Variants in SLCO1B1 observed in about 807,000 individuals in gnomAD.
SLCO1B1 encodes the protein OATP-2.
A neutral mutation model predicts 70.1 loss-of-function variants in SLCO1B1; 81 were observed. That is an observed-to-expected ratio of 1.16 (90% CI 0.97 to 1.39). The LOEUF is 1.39. SLCO1B1 is among the 40% of genes most tolerant of loss of function. The probability of loss-of-function intolerance (pLI) is 0.00; values close to 1 mark genes in which losing one functional copy is unlikely to be tolerated. For missense variants in SLCO1B1, 895 were observed against 799.6 expected, an observed-to-expected ratio of 1.12 and a Z score of -1.44; for synonymous variants, 283 against 271.5, an observed-to-expected ratio of 1.04 and a Z score of -0.42.
intron 2 of SLCO1B1, among the ~76,000 whole-genome samples, chr12:21,143,177 T>C (rs543883038): frequency 1.1e-4 from 16 of 152,218 alleles, no homozygotes; most frequent in African/African-American, 3.8e-4. Context: ...TTTCTGAGCT[T>C]ACTTTTTATT....
At chr12:21,181,414 AC>A (rs2121113159) in intron 7 of SLCO1B1, among the ~76,000 whole-genome samples, 2 of 152,312 alleles carry the variant, frequency 1.3e-5, no homozygotes, top group South Asian at 4.1e-4. Context: ...CACTGATTTA[AC>A]CAATCATTTC....
intron 2 of SLCO1B1, among the ~76,000 whole-genome samples, chr12:21,152,971 A>C (rs1186323738): frequency 6.6e-6 from 1 of 152,188 alleles, no homozygotes; most frequent in Non-Finnish European, 1.5e-5. Context: ...ACTTAACCAC[A>C]CTGAGTGAGA....
At chr12:21,207,372 T>A (rs1941226414) in intron 11 of SLCO1B1, among the ~76,000 whole-genome samples, 1 of 151,998 alleles carries the variant, frequency 6.6e-6, no homozygotes, top group South Asian at 2.1e-4. Flanking sequence ...CTTCCACTTA[T>A]AAGTGAGAAC....
intron 14 of SLCO1B1, among the ~76,000 whole-genome samples, chr12:21,229,256 G>C (rs536147129): frequency 6.6e-6 from 1 of 151,042 alleles, no homozygotes; most frequent in East Asian, 2.0e-4. Context: ...ATCTCCCAGA[G>C]TCCACAGTTT....
At chr12:21,140,815 G>A (rs996932794) in intron 1 of SLCO1B1, among the ~76,000 whole-genome samples, 1 of 151,986 alleles carries the variant, frequency 6.6e-6, no homozygotes, top group African/African-American at 2.4e-5. Context: ...AATGGGACAA[G>A]AGTTAGAGGA....
At chr12:21,196,060 G>C (rs1378735024) in intron 7 of SLCO1B1, among the ~76,000 whole-genome samples, 1 of 152,146 alleles carries the variant, frequency 6.6e-6, no homozygotes, top group East Asian at 1.9e-4. Flanking sequence ...ACAGCAAAGA[G>C]GTGTCTCCAA....
Position 21,222,389 on chromosome 12 carries a change from AAAAAAAAAATATATATATATATATAT to A in SLCO1B1, c.1747+27_1747+52del, listed in dbSNP as rs1277864154. On this transcript the variant is annotated intron_variant, in intron 13 of 14. Transcript: ENST00000256958. ...GGTATGATGAAAAAAAAAAAAAAAA[AAAAAAAAAATATATATATATATATAT>A]ATATATATATATACACACACACATA... is the stretch of plus-strand genomic sequence containing the variant. The A allele has an allele frequency of 1.4e-5, 5 of 348,176 alleles. 1 individual carries two copies. The highest frequency in any genetic ancestry group is 1.7e-5 in the Non-Finnish European group (4 of 231,754). 21.6% of individuals were successfully genotyped at this position (348,176 alleles called of 1,614,324 possible). A position where few individuals can be genotyped will look rare whatever the true frequency, so the allele number is the denominator to read the frequency against.
intron 3 of SLCO1B1, among the ~76,000 whole-genome samples, chr12:21,173,626 T>TAA (rs5796891): frequency 2.7e-5 from 4 of 150,720 alleles, no homozygotes; most frequent in East Asian, 3.9e-4. Context: ...TTTTATAAAG[T>TAA]AAAAAAAAAA....
intron 11 of SLCO1B1, among the ~76,000 whole-genome samples, chr12:21,216,237 T>A (rs1323811463): frequency 2.0e-5 from 3 of 152,102 alleles, no homozygotes. Context: ...TATTGACCAA[T>A]ACACTTGTTC....
At chr12:21,137,642 G>T (rs1940245414) in intron 1 of SLCO1B1, among the ~76,000 whole-genome samples, 1 of 152,218 alleles carries the variant, frequency 6.6e-6, no homozygotes, top group Non-Finnish European at 1.5e-5. Context: ...CAAGCCAGGT[G>T]CAGGATATAA....
At chr12:21,221,035 T>C (rs1031128326) in intron 12 of SLCO1B1, among the ~76,000 whole-genome samples, 1 of 152,000 alleles carries the variant, frequency 6.6e-6, no homozygotes, top group African/African-American at 2.4e-5. Flanking sequence ...CCAAAACCAT[T>C]TGATAAGACA....
chr12:21,133,547 C>T (rs1166747985), intron 1 of SLCO1B1, among the ~76,000 whole-genome samples: 4 of 152,106 alleles, frequency 2.6e-5, no homozygotes, highest in South Asian at 4.1e-4. Context: ...AGGTCCTTCA[C>T]ATCCCTTGTA....
rs368582004 is a variant in SLCO1B1 at position 21,224,716 on chromosome 12, T to C, written c.1748-6T>C. The C allele has an allele frequency of 3.6e-5, 54 of 1,519,864 alleles. No individual in the cohort carries two copies. Among genetic ancestry groups the C allele is most frequent in the Non-Finnish European group, 4.7e-5 (52 of 1,095,674 alleles). The allele number at this position is 1,519,864 out of a possible 1,614,324, so 94.1% of individuals were successfully genotyped here. On this transcript the variant is annotated splice_polypyrimidine_tract_variant and splice_region_variant and intron_variant, in intron 13 of 14. Coordinates refer to ENST00000256958, the MANE Select transcript of SLCO1B1 (RefSeq NM_006446.5). ...TAAACTGACATCTTCTCTTCTCCTA[T>C]TACAGGAGGAATTCTAGCTCCAATA...
intron 10 of SLCO1B1, among the ~76,000 whole-genome samples, 194 bp downstream of exon 10, chr12:21,202,880 A>T (rs986848673): frequency 1.3e-5 from 2 of 152,152 alleles, no homozygotes; most frequent in Non-Finnish European, 2.9e-5. Flanking sequence ...ACTAAAGAGA[A>T]GCAACATAGG....
At chr12:21,193,853 C>A (rs28782899) in intron 7 of SLCO1B1, among the ~76,000 whole-genome samples, 1 of 151,910 alleles carries the variant, frequency 6.6e-6, no homozygotes, top group South Asian at 2.1e-4. Flanking sequence ...TGCAGTGGTG[C>A]GATCTCGGCT....
intron 7 of SLCO1B1, among the ~76,000 whole-genome samples, chr12:21,185,484 A>G (rs1265675743): frequency 2.0e-5 from 3 of 152,110 alleles, no homozygotes; most frequent in African/African-American, 4.8e-5. Context: ...TGGTAATTCA[A>G]CAACTTTTCC....
chr12:21,208,772 C>G (rs1490316757), intron 11 of SLCO1B1, among the ~76,000 whole-genome samples: 1 of 152,120 alleles, frequency 6.6e-6, no homozygotes, highest in East Asian at 1.9e-4. Context: ...GAATGTTTTT[C>G]CACTTGTTTG....
At chr12:21,181,746 A>G (rs1293770701) in intron 7 of SLCO1B1, among the ~76,000 whole-genome samples, 1 of 152,128 alleles carries the variant, frequency 6.6e-6, no homozygotes, top group Non-Finnish European at 1.5e-5. Flanking sequence ...ATAGGTTTAA[A>G]TTATGCTCGT....
intron 1 of SLCO1B1, among the ~76,000 whole-genome samples, chr12:21,131,831 CT>C (rs1242384688): frequency 1.3e-5 from 2 of 151,858 alleles, no homozygotes; most frequent in African/African-American, 2.4e-5. Context: ...CAGTTTTTTT[CT>C]TTTTTTATTT....
Sources: allele counts gnomAD v4.1 joint callset (sites outside exome capture counted in the v4.1 genomes callset), GRCh38; gene constraint gnomAD v4.1.1; transcripts MANE v1.5; gene names NCBI Gene and HGNC (gene_info 2026-07-23, HGNC 2026-07-21).